Variants in TRPM3 observed in about 807,000 individuals in gnomAD.
The protein encoded by TRPM3 is long transient receptor potential channel 3.
In TRPM3, 77 loss-of-function variants were observed where a neutral mutation model predicts 181.2. That is an observed-to-expected ratio of 0.42 (90% CI 0.35 to 0.51). The LOEUF (loss-of-function observed/expected upper bound fraction) is 0.51, where lower values mean the gene tolerates loss of function less well. Ranked by LOEUF, TRPM3 falls within the 20% of genes least tolerant of loss-of-function variation. The pLI, the probability that TRPM3 is intolerant of heterozygous loss-of-function variation, is 0.01. For synonymous variants in TRPM3, 745 were observed against 796.4 expected (o/e 0.94, Z 1.09); for missense variants, 1,759 against 2,196.7 (o/e 0.80, Z 3.98).
At chr9:71,220,682 A>T (rs2080185035) in intron 1 of TRPM3, among the ~76,000 whole-genome samples, 1 of 152,146 alleles carries the variant, frequency 6.6e-6, no homozygotes, top group South Asian at 2.1e-4. Flanking sequence ...TACTTAAGTC[A>T]TTGTCTCCTT....
chr9:71,257,346 C>T lies in TRPM3; in HGVS notation c.183+189307G>A, dbSNP rs532245612. ...AGTGTAAAGAAGAGAGAGTAGAAGA[C>T]GGATCCCAGGTTGTCAAATAGAGTA... On this transcript the variant is annotated intron_variant, in intron 1 of 24. Transcript: ENST00000357533. Among the ~76,000 whole-genome samples the T allele has an allele frequency of 1.6e-4, 24 of 152,134 alleles. 1 individual carries two copies. The South Asian group carries it at 3.1e-3, about 20-fold the overall frequency.
chr9:71,369,884 CTT>C (rs879939466), intron 1 of TRPM3, among the ~76,000 whole-genome samples: 28 of 152,154 alleles, frequency 1.8e-4, no homozygotes, highest in Non-Finnish European at 3.5e-4. Context: ...CAGCAGCTCT[CTT>C]TTTCCCCAAC....
chr9:71,378,272 C>T (rs1432436480), intron 1 of TRPM3, among the ~76,000 whole-genome samples: 1 of 152,070 alleles, frequency 6.6e-6, no homozygotes, highest in African/African-American at 2.4e-5. Flanking sequence ...ATTATATACA[C>T]ACTGAAATGC....
intron 1 of TRPM3, among the ~76,000 whole-genome samples, chr9:71,385,519 C>A (rs2132903182): frequency 6.6e-6 from 1 of 152,266 alleles, no homozygotes; most frequent in South Asian, 2.1e-4. Flanking sequence ...GATCTGAACA[C>A]ACTGAGTCTG....
chr9:71,005,810 G>T (rs2097667336), intron 1 of TRPM3, among the ~76,000 whole-genome samples: 2 of 152,090 alleles, frequency 1.3e-5, no homozygotes, highest in Non-Finnish European at 2.9e-5. Context: ...ATACAAATGG[G>T]TAACACAAAA....
intron 1 of TRPM3, among the ~76,000 whole-genome samples, chr9:71,199,393 G>T (rs1283906314): frequency 6.6e-6 from 1 of 152,156 alleles, no homozygotes; most frequent in African/African-American, 2.4e-5. Flanking sequence ...CTCATAAAAT[G>T]AGTTAGGGAG....
chr9:71,404,901 C>T (rs1311356915), intron 1 of TRPM3, among the ~76,000 whole-genome samples: 1 of 152,184 alleles, frequency 6.6e-6, no homozygotes, highest in South Asian at 2.1e-4. Flanking sequence ...TAGAAAATAT[C>T]TCTAGATCTA....
At chr9:71,412,028 G>A (rs550805015) in intron 1 of TRPM3, among the ~76,000 whole-genome samples, 1 of 152,260 alleles carries the variant, frequency 6.6e-6, no homozygotes, top group African/African-American at 2.4e-5. Context: ...AAGGTGCTGG[G>A]AAAACAGGCT....
At chr9:71,121,667 G>T (rs200585836), upstream of TRPM3, 1 of 1,120,320 alleles carries the variant, frequency 8.9e-7, no homozygotes, top group Non-Finnish European at 1.1e-6. Context: ...CAGGTCAGGC[G>T]TTGGGGGGGA....
At chr9:71,139,218 G>A (rs1487355372) in intron 1 of TRPM3, among the ~76,000 whole-genome samples, 2 of 152,148 alleles carry the variant, frequency 1.3e-5, no homozygotes, top group South Asian at 2.1e-4. Flanking sequence ...GATGGGAACA[G>A]CATATTAGAT....
chr9:71,105,113 T>C (rs2069214429), intron 1 of TRPM3, among the ~76,000 whole-genome samples: 1 of 152,204 alleles, frequency 6.6e-6, no homozygotes, highest in African/African-American at 2.4e-5. Context: ...AGCTATGCTG[T>C]ATTCATACAA....
In TRPM3 at chr9:71,232,286, T is replaced by G. The variant is rs544322542; in HGVS notation, c.183+214367A>C. On this transcript the variant is annotated intron_variant, in intron 1 of 24. Coordinates refer to the TRPM3 transcript ENST00000357533. ...TGCTAGGAACCTTATCACACCATCT[T>G]AAAAACCTGCCAAGGCCACACTATT... Among the ~76,000 whole-genome samples the G allele has an allele frequency of 6.6e-5, 10 of 152,220 alleles. No homozygotes were observed. The East Asian group carries it at 1.2e-3, about 18-fold the overall frequency.
At chr9:70,948,468 C>G (rs1056041699) in intron 1 of TRPM3, among the ~76,000 whole-genome samples, 1 of 152,076 alleles carries the variant, frequency 6.6e-6, no homozygotes, top group African/African-American at 2.4e-5. Context: ...ACAAAGAGCC[C>G]TTTGACGACT....
chr9:71,198,378 C>A (rs2078537110), intron 1 of TRPM3, among the ~76,000 whole-genome samples: 1 of 151,968 alleles, frequency 6.6e-6, no homozygotes, highest in African/African-American at 2.4e-5. Flanking sequence ...TCCATATGAA[C>A]TTTAAAGTAG....
At chr9:70,644,682 A>G (rs1312321349) in intron 9 of TRPM3, among the ~76,000 whole-genome samples, 1 of 152,194 alleles carries the variant, frequency 6.6e-6, no homozygotes, top group Admixed American at 6.5e-5. Context: ...ACTCCTATTC[A>G]ACATAGTACT....
At chr9:70,959,518 A>G (rs2097115219) in intron 1 of TRPM3, among the ~76,000 whole-genome samples, 1 of 152,118 alleles carries the variant, frequency 6.6e-6, no homozygotes, top group African/African-American at 2.4e-5. Context: ...CAGTCAAGGA[A>G]CACAGTCCTT....
chr9:71,111,551 C>G (rs2071099178), intron 1 of TRPM3, among the ~76,000 whole-genome samples: 1 of 152,168 alleles, frequency 6.6e-6, no homozygotes, highest in South Asian at 2.1e-4. Context: ...AAGCACAGGA[C>G]AGATGTCCCC....
At chr9:70,907,837 A>C (rs2096488457) in intron 1 of TRPM3, among the ~76,000 whole-genome samples, 2 of 152,194 alleles carry the variant, frequency 1.3e-5, no homozygotes, top group Non-Finnish European at 1.5e-5. Flanking sequence ...TAATTCACTT[A>C]GGATAATAGC....
intron 8 of TRPM3, among the ~76,000 whole-genome samples, chr9:70,686,953 T>G (rs1170979532): frequency 1.3e-5 from 2 of 151,310 alleles, no homozygotes; most frequent in African/African-American, 4.9e-5. Flanking sequence ...CCTGAATAGC[T>G]GGGGCTACAG....
Sources: gnomAD v4.1 joint callset for allele counts (sites outside exome capture counted in the v4.1 genomes callset) on GRCh38, gnomAD v4.1.1 for gene constraint, MANE v1.5 for transcripts, NCBI Gene and HGNC (gene_info 2026-07-23, HGNC 2026-07-21) for gene names.